The following SLC22A23 variants were observed in gnomAD, a reference collection of about 807,000 sequenced individuals.
SLC22A23 encodes solute carrier family 22 member 23.
SLC22A23 carries 26 observed loss-of-function variants against 61.0 expected under a neutral mutation model. That is an observed-to-expected ratio of 0.43 (90% CI 0.31 to 0.59). The LOEUF is 0.59. Ranked by LOEUF, SLC22A23 falls within the 20% of genes least tolerant of loss-of-function variation. SLC22A23 has a pLI of 0.11. For missense variants in SLC22A23, 796 were observed against 934.7 expected (o/e 0.85, Z 1.94); for synonymous variants, 430 against 413.9 (o/e 1.04, Z -0.47).
chr6:3,301,820 G>A (rs529430922), intron 4 of SLC22A23, among the ~76,000 whole-genome samples: 81 of 152,330 alleles, frequency 5.3e-4, no homozygotes, highest in African/African-American at 1.5e-3. Flanking sequence ...GGGGAGAACC[G>A]CGGAGATGTG....
intron 1 of SLC22A23, among the ~76,000 whole-genome samples, chr6:3,431,815 G>GA (rs1770883172): frequency 6.6e-6 from 1 of 152,184 alleles, no homozygotes; most frequent in Admixed American, 6.5e-5. Context: ...GGACCACAAA[G>GA]ACCGCCATTT....
intron 1 of SLC22A23, among the ~76,000 whole-genome samples, chr6:3,442,919 A>T (rs1400427890): frequency 6.6e-6 from 1 of 152,170 alleles, no homozygotes; most frequent in Non-Finnish European, 1.5e-5. Context: ...CTGTTCAGAT[A>T]AGTAAAGCAA....
At chr6:3,347,803 T>A (rs73720536) in intron 3 of SLC22A23, among the ~76,000 whole-genome samples, 4,007 of 152,304 alleles carry the variant, frequency 0.026, 175 homozygotes, top group African/African-American at 0.092. Context: ...TGCACAAGAT[T>A]CCTGAGTCTT....
In SLC22A23 at chr6:3,328,413, G is replaced by A. The variant is rs1763396332; in HGVS notation, c.914-4411C>T. Among the ~76,000 whole-genome samples, 1 of 152,124 alleles carries A rather than the reference G, an allele frequency of 6.6e-6. No individual in the cohort carries two copies. Among genetic ancestry groups the A allele is most frequent in the Non-Finnish European group, 1.5e-5 (1 of 68,034 alleles). On this transcript the variant is annotated intron_variant, in intron 3 of 9. Coordinates refer to ENST00000406686, the MANE Select transcript of SLC22A23 (RefSeq NM_015482.2). This position sits in a 1 kb window ranked among gnomAD's most constrained non-coding sequence, Gnocchi z 5.0. ...GAGGAAAAGCACATTGCGCTTCCCA[G>A]GGTAGACACTTTATGTGACGGAGGA...
chr6:3,441,395 G>A (rs115594060), intron 1 of SLC22A23, among the ~76,000 whole-genome samples: 116 of 152,260 alleles, frequency 7.6e-4, no homozygotes, highest in African/African-American at 2.6e-3. Flanking sequence ...CTATGCCGAA[G>A]GCTGACTCTA....
intron 1 of SLC22A23, among the ~76,000 whole-genome samples, chr6:3,416,186 C>T (rs996811138): frequency 1.4e-4 from 21 of 152,258 alleles, no homozygotes; most frequent in Non-Finnish European, 2.8e-4. Context: ...GACCAGGCAT[C>T]CCTGAGGACC....
intron 1 of SLC22A23, among the ~76,000 whole-genome samples, chr6:3,420,733 A>G (rs1770067943): frequency 6.6e-6 from 1 of 152,256 alleles, no homozygotes; most frequent in Non-Finnish European, 1.5e-5. Context: ...TACTGCAACC[A>G]GAAATTGAGT....
At chr6:3,439,678 G>A (rs530818683) in intron 1 of SLC22A23, among the ~76,000 whole-genome samples, 5 of 152,284 alleles carry the variant, frequency 3.3e-5, no homozygotes, top group African/African-American at 1.2e-4. Context: ...TCAAATGAGA[G>A]CAAAACCCTT....
chr6:3,312,327 C>A (rs1373416563), intron 4 of SLC22A23: 1 of 152,164 alleles, frequency 6.6e-6, no homozygotes, highest in Non-Finnish European at 1.5e-5. Context: ...AATTATCAGG[C>A]TGCAGAAAAT....
intron 1 of SLC22A23, among the ~76,000 whole-genome samples, chr6:3,420,474 A>T (rs907683052): frequency 6.6e-6 from 1 of 152,178 alleles, no homozygotes; most frequent in Non-Finnish European, 1.5e-5. Context: ...ATGTAAAATA[A>T]GAACATAAAA....
chr6:3,293,901 G>C (rs1760841635), intron 5 of SLC22A23, among the ~76,000 whole-genome samples: 1 of 152,208 alleles, frequency 6.6e-6, no homozygotes. Context: ...GGGGCGCTCG[G>C]ATCACACAGA....
In SLC22A23 at chr6:3,426,259, T is replaced by C. The variant is rs183413659; in HGVS notation, c.655-10404A>G. 7.9e-5 allele frequency among the ~76,000 whole-genome samples: 12 copies of C among 152,328 alleles called. No individual in the cohort carries two copies. The East Asian group carries it at 2.3e-3, about 29-fold the overall frequency. On this transcript the variant is annotated intron_variant, in intron 1 of 9. Coordinates refer to ENST00000406686, the MANE Select transcript of SLC22A23 (RefSeq NM_015482.2). ...ACTCATTCAGAATTAAAAAAGCTTA[T>C]AGCCAAGTCAGACTTGAGCAGAGCC...
chr6:3,389,917 T>C (rs1172180323), intron 3 of SLC22A23, among the ~76,000 whole-genome samples: 1 of 152,276 alleles, frequency 6.6e-6, no homozygotes, highest in Non-Finnish European at 1.5e-5. Context: ...GCTCTCATTG[T>C]TGCCTTTTGG....
chr6:3,289,208 C>T (rs1278771079), intron 6 of SLC22A23, among the ~76,000 whole-genome samples: 1 of 152,268 alleles, frequency 6.6e-6, no homozygotes, highest in African/African-American at 2.4e-5. Context: ...TGCAAAGAAC[C>T]TGCGTGAGTG....
At position 3,323,814 on chromosome 6, in the gene SLC22A23, G is replaced by T; in HGVS notation, c.1082+20C>A. 6.2e-7 allele frequency: 1 copy of T among 1,605,070 alleles called. No homozygotes were observed. The highest frequency in any genetic ancestry group is 8.5e-7 in the Non-Finnish European group (1 of 1,173,864). ...ATGTGCAGTCGCACCAGCCCAGGGC[G>T]CTGTGCAGAGTGTACTCACGACCAG... On this transcript the variant is annotated intron_variant, in intron 4 of 9. Transcript: ENST00000406686.
In SLC22A23 at chr6:3,410,302, T is replaced by C. The variant is rs1327218910; in HGVS notation, c.799A>G (p.Ile267Val). 4.3e-6 allele frequency: 7 copies of C among 1,613,442 alleles called. No homozygotes were observed. Among genetic ancestry groups the C allele is most frequent in the Admixed American group, 1.7e-5 (1 of 59,888 alleles). The change falls in exon 3 of 10, where the codon ATT (isoleucine) becomes GTT (valine). Residue 267 changes from isoleucine (I) to valine (V), a missense_variant. Ile to Val is a conservative substitution (Grantham distance 29). Coordinates refer to ENST00000406686, the MANE Select transcript of SLC22A23 (RefSeq NM_015482.2). The surrounding 1 kb of genome is among the most constrained non-coding windows in gnomAD (Gnocchi z 5.0). ...GCCACAGTCAGTCCAAAGATCAGAA[T>C]GAAGATGATGGAAAACAGCAGCACA... Reference protein sequence around the residue: ...RPVLLFSIIFILIFGLTVALS... With the variant: ...RPVLLFSIIFVLIFGLTVALS...
chr6:3,284,384 CAA>C (rs893426764), intron 8 of SLC22A23, among the ~76,000 whole-genome samples: 5 of 152,202 alleles, frequency 3.3e-5, no homozygotes, highest in African/African-American at 1.2e-4. Context: ...TTTAAGGAAA[CAA>C]AAACTCAAGC....
Position 3,324,074 on chromosome 6 carries a change from G to T in SLC22A23, c.914-72C>A. 1 of 1,556,650 alleles carries T rather than the reference G, an allele frequency of 6.4e-7. No individual in the cohort carries two copies. Among genetic ancestry groups the T allele is most frequent in the Non-Finnish European group, 8.8e-7 (1 of 1,138,374 alleles). ...GCCCGAGAAGTCCTGGGTGCACCTG[G>T]GCCAGTGCACTGCTTAACCCACCAA... On this transcript the variant is annotated intron_variant, in intron 3 of 9. Coordinates refer to ENST00000406686, the MANE Select transcript of SLC22A23 (RefSeq NM_015482.2). The surrounding 1 kb of genome is among the most constrained non-coding windows in gnomAD (Gnocchi z 4.3).
In SLC22A23 at chr6:3,283,961, C is replaced by G. The variant is rs145712961; in HGVS notation, c.1594G>C (p.Val532Leu). 183 of 1,605,356 alleles carry G rather than the reference C, an allele frequency of 1.1e-4. No individual in the cohort carries two copies. Among genetic ancestry groups the G allele is most frequent in the Non-Finnish European group, 1.4e-4 (168 of 1,173,078 alleles). Residue 532 changes from valine (V) to leucine (L), a missense_variant, in exon 9 of 10, where the codon GTC becomes CTC. By Grantham distance (32) the Val-to-Leu change is conservative. Transcript: ENST00000406686. The stretch of plus-strand genomic sequence containing the variant: ...AACGCGATGGAAAATTTGTCCTTGA[C>G]GCTGTCACTCATCCCTGGGGGAAGG... ...QHPDSGMSDS[V>L]KDKFSIAFSI...
Sources: allele counts gnomAD v4.1 joint callset (sites outside exome capture counted in the v4.1 genomes callset), GRCh38; gene constraint gnomAD v4.1.1; non-coding constraint Gnocchi (gnomAD v3.1); transcripts MANE v1.5; gene names NCBI Gene and HGNC (gene_info 2026-07-23, HGNC 2026-07-21).